KPNA2: variants seen among roughly 807,000 people sequenced by gnomAD.
The protein encoded by KPNA2 is karyopherin subunit alpha 2, also known as importin subunit alpha-1.
Under a neutral mutation model 53.7 loss-of-function variants are expected in KPNA2, and 20 were observed. That is an observed-to-expected ratio of 0.37 (90% CI 0.26 to 0.54). The LOEUF (loss-of-function observed/expected upper bound fraction) is 0.54, where lower values mean the gene tolerates loss of function less well. Ranked by LOEUF, KPNA2 falls within the 20% of genes least tolerant of loss-of-function variation. The pLI is 0.83. For synonymous variants in KPNA2, 238 were observed against 227.5 expected (o/e 1.05, Z -0.42); for missense variants, 515 against 640.3 (o/e 0.80, Z 2.11).
chr17:68,041,630 G>T (rs1009601446), intron 4 of KPNA2, among the ~76,000 whole-genome samples: 1 of 152,070 alleles, frequency 6.6e-6, no homozygotes, highest in Admixed American at 6.6e-5. Context: ...GGAGGCTGAG[G>T]TGGGAGGATC....
At chr17:68,036,733 G>A (rs533128485) in intron 1 of KPNA2, among the ~76,000 whole-genome samples, 10 of 152,328 alleles carry the variant, frequency 6.6e-5, no homozygotes, top group South Asian at 4.1e-4. Context: ...TGTAGAAGAT[G>A]TCAGTTATTT....
chr17:68,038,836 AG>A (rs1210914535), intron 3 of KPNA2, among the ~76,000 whole-genome samples: 1 of 152,168 alleles, frequency 6.6e-6, no homozygotes. Flanking sequence ...TAGGCAACAT[AG>A]GAAGACCTCG....
chr17:68,040,760 C>G lies in KPNA2; in HGVS notation c.296C>G (p.Ala99Gly), dbSNP rs782062469. 8.7e-6 allele frequency: 14 copies of G among 1,606,802 alleles called. No individual in the cohort carries two copies. The East Asian group carries it at 2.9e-4, about 33-fold the overall frequency. The change falls in exon 4 of 11, where the codon GCT (alanine) becomes GGT (glycine). Residue 99 changes from alanine (A) to glycine (G), a missense_variant. Physicochemically the swap from Ala to Gly is moderately conservative, Grantham distance 60 (BLOSUM62 0). Transcript: ENST00000330459. ...GAAAATCAGCTCCAAGCTACTCAAG[C>G]TGCCAGGTAAGTCTTGTCTGCGATA... The part of the protein sequence containing the change: ...NVENQLQATQ[A>G]ARKLLSREKQ...
chr17:68,040,491 C>G lies in KPNA2; in HGVS notation c.214-187C>G, dbSNP rs186034927. Among the ~76,000 whole-genome samples, 1,376 of 152,228 alleles carry G rather than the reference C, an allele frequency of 9.0e-3. 7 individuals are homozygous for G. The highest frequency in any genetic ancestry group is 0.014 in the Non-Finnish European group (938 of 68,014). On this transcript the variant is annotated intron_variant, in intron 3 of 10. Transcript: ENST00000330459. ...TGAGACTCCAGTGAGTCCATGACAA[C>G]AAGTTTGGAAACTGTTCTACATATA...
chr17:68,041,819 A>G (rs2071263702), intron 4 of KPNA2, among the ~76,000 whole-genome samples: 1 of 152,200 alleles, frequency 6.6e-6, no homozygotes, highest in Admixed American at 6.5e-5. Context: ...AAGTGACAAG[A>G]TCTGGAGTAG....
chr17:68,043,059 C>T (rs201369101), intron 6 of KPNA2, 41 bp from the exon 7 acceptor site: 2 of 1,613,358 alleles, frequency 1.2e-6, no homozygotes, highest in African/African-American at 2.7e-5. Context: ...CCCATCTTCT[C>T]AAAAGACAGA....
At chr17:68,039,390 G>T (rs1039155392) in intron 3 of KPNA2, among the ~76,000 whole-genome samples, 8 of 151,630 alleles carry the variant, frequency 5.3e-5, no homozygotes, top group African/African-American at 1.7e-4. Flanking sequence ...CAAAGTGCTG[G>T]GATTACAGGC....
At chr17:68,038,996 C>T (rs1555704130) in intron 3 of KPNA2, among the ~76,000 whole-genome samples, 1 of 144,908 alleles carries the variant, frequency 6.9e-6, no homozygotes, top group Admixed American at 7.0e-5. Context: ...TGCTGGGTGA[C>T]AGTGAGACCC....
chr17:68,046,050 C>T, intron 10 of KPNA2, 129 bp downstream of exon 10: 1 of 568,504 alleles, frequency 1.8e-6, no homozygotes, highest in Non-Finnish European at 2.9e-6. Context: ...GTGCATGGGA[C>T]ATAATGTACT....
At position 68,038,412 on chromosome 17, in the gene KPNA2, T is replaced by C. The variant is rs572409041; in HGVS notation, c.213+917T>C. 1.7e-3 allele frequency among the ~76,000 whole-genome samples: 266 copies of C among 152,320 alleles called. 1 individual carries two copies. Among genetic ancestry groups the C allele is most frequent in the African/African-American group, 6.1e-3 (252 of 41,574 alleles). ...TGAGCCACCAGGCCCTTCCCGTTTTTGGTTTATTTCTGCCTTTTTTGGTAT... is the reference window on the plus strand; with the variant it reads ...TGAGCCACCAGGCCCTTCCCGTTTTCGGTTTATTTCTGCCTTTTTTGGTAT... On this transcript the variant is annotated intron_variant, in intron 3 of 10. Transcript: ENST00000330459.
rs1200044026 is a variant in KPNA2, at chr17:68,043,257, T to C, written c.824T>C (p.Ile275Thr). The change falls in exon 7 of 11, where the codon ATT becomes ACT. Residue 275 changes from isoleucine (I) to threonine (T), a missense_variant. Coordinates refer to ENST00000330459, the MANE Select transcript of KPNA2 (RefSeq NM_002266.4). ...GTATTAGCAGATACCTGCTGGGCTA[T>C]TTCCTACCTTACTGATGGTCCAAAT... ...PEVLADTCWAISYLTDGPNER... is the reference protein window; with the variant it reads ...PEVLADTCWATSYLTDGPNER... 2 of 1,614,096 alleles carry C rather than the reference T, an allele frequency of 1.2e-6. No individual in the cohort carries two copies. The highest frequency in any genetic ancestry group is 1.3e-5 in the African/African-American group (1 of 74,946).
At chr17:68,043,050 C>T (rs782591633) in intron 6 of KPNA2, 50 bp from the exon 7 acceptor site, 1 of 1,612,706 alleles carries the variant, frequency 6.2e-7, no homozygotes, top group Admixed American at 1.7e-5. Context: ...CTAATTTCCC[C>T]CATCTTCTCA....
At chr17:68,041,720 T>A (rs2071262700) in intron 4 of KPNA2, among the ~76,000 whole-genome samples, 1 of 152,122 alleles carries the variant, frequency 6.6e-6, no homozygotes, top group Non-Finnish European at 1.5e-5. Context: ...GAGATCCTAT[T>A]TCAAAAAAAC....
At chr17:68,039,054 TTAAC>T in intron 3 of KPNA2, among the ~76,000 whole-genome samples, 1 of 152,138 alleles carries the variant, frequency 6.6e-6, no homozygotes, top group African/African-American at 2.4e-5. Flanking sequence ...TAAAGTAGAC[TTAAC>T]TTAGATTTTC....
chr17:68,039,457 C>T (rs939945775), intron 3 of KPNA2, among the ~76,000 whole-genome samples: 7 of 151,488 alleles, frequency 4.6e-5, no homozygotes, highest in African/African-American at 9.7e-5. Flanking sequence ...AACACTTAAC[C>T]GTGGAAATAT....
Position 68,040,796 on chromosome 17 carries a change from C to A in KPNA2, c.302+30C>A, listed in dbSNP as rs782207264. The A allele has an allele frequency of 4.7e-6, 7 of 1,494,460 alleles. No individual in the cohort carries two copies. The Admixed American group carries it at 8.8e-5, about 19-fold the overall frequency. 92.6% of individuals were successfully genotyped at this position (1,494,460 alleles called of 1,614,324 possible). On this transcript the variant is annotated intron_variant, in intron 4 of 10. Coordinates refer to ENST00000330459, the MANE Select transcript of KPNA2 (RefSeq NM_002266.4). ...GTCTTGTCTGCGATAGCATGGGTAG[C>A]CTAAGAAATTTGTGTTTTTAGATTT... is the stretch of plus-strand genomic sequence containing the variant.
chr17:68,041,524 A>C (rs1555704576), intron 4 of KPNA2, among the ~76,000 whole-genome samples: 1 of 152,218 alleles, frequency 6.6e-6, no homozygotes, highest in Admixed American at 6.5e-5. Context: ...TTGCCACTGC[A>C]TTCCAGCATG....
chr17:68,042,125 A>G lies in KPNA2; in HGVS notation c.343A>G (p.Ile115Val), dbSNP rs782058532. 2.5e-6 allele frequency: 4 copies of G among 1,614,000 alleles called. No individual in the cohort carries two copies. The highest frequency in any genetic ancestry group is 2.2e-5 in the East Asian group (1 of 44,892). ...SREKQPPIDN[I>V]IRAGLIPKFV... ...AGAAAAACAGCCCCCCATAGACAAC[A>G]TAATCCGGGCTGGTTTGATTCCGAA... The change falls in exon 5 of 11, where the codon ATA (isoleucine) becomes GTA (valine). Residue 115 changes from isoleucine (I) to valine (V), a missense_variant. Physicochemically the swap from Ile to Val is conservative, Grantham distance 29 (BLOSUM62 3). Coordinates refer to ENST00000330459, the MANE Select transcript of KPNA2 (RefSeq NM_002266.4).
chr17:68,046,013 C>T (rs1555705379), intron 10 of KPNA2, 92 bp downstream of exon 10: 2 of 810,764 alleles, frequency 2.5e-6, no homozygotes, highest in Non-Finnish European at 3.7e-6. Context: ...AGTGTCATAT[C>T]TTTGTTAAAT....
Sources: gnomAD v4.1 joint callset for allele counts (sites outside exome capture counted in the v4.1 genomes callset) on GRCh38, gnomAD v4.1.1 for gene constraint, MANE v1.5 for transcripts, NCBI Gene and HGNC (gene_info 2026-07-23, HGNC 2026-07-21) for gene names.